The following HOOK2 variants were observed in gnomAD, a reference collection of about 807,000 sequenced individuals.
HOOK2 encodes protein Hook homolog 2.
A neutral mutation model predicts 111.9 loss-of-function variants in HOOK2; 108 were observed. The ratio of observed to expected loss-of-function variants is 0.96; its 90% CI spans 0.83 to 1.13. The LOEUF (loss-of-function observed/expected upper bound fraction) is 1.13. HOOK2 is among the 50% of genes most tolerant of loss of function. The probability of loss-of-function intolerance (pLI) is 0.00; values close to 1 mark genes in which losing one functional copy is unlikely to be tolerated. For synonymous variants in HOOK2, 405 were observed against 394.3 expected (o/e 1.03, Z -0.32); for missense variants, 978 against 951.3 (o/e 1.03, Z -0.37).
chr19:12,772,042 C>G lies in HOOK2; in HGVS notation c.519+148G>C, dbSNP rs1396282423. On this transcript the variant is annotated intron_variant, in intron 7 of 22. Transcript: ENST00000397668. Reference sequence around the variant, plus strand: ...CAGGCTTAAGGACAAGCCCCTCCCCCTTAGGCTACCCTGAGCATCTGTAAG... The same window carrying G: ...CAGGCTTAAGGACAAGCCCCTCCCCGTTAGGCTACCCTGAGCATCTGTAAG... The G allele has an allele frequency of 1.0e-5, 7 of 683,240 alleles. No individual in the cohort carries two copies. In the Admixed American group the frequency reaches 1.5e-4, roughly 15 times the overall value. 42.3% of individuals were successfully genotyped at this position (683,240 alleles called of 1,614,324 possible). A position where few individuals can be genotyped will look rare whatever the true frequency, so the allele number is the denominator to read the frequency against.
At chr19:12,780,985 A>C (rs535790810), upstream of HOOK2, among the ~76,000 whole-genome samples, 1 of 136,856 alleles carries the variant, frequency 7.3e-6, no homozygotes, top group Non-Finnish European at 1.6e-5. Flanking sequence ...CTCAAAAAAT[A>C]ATAATAATAA....
At chr19:12,781,636 C>G (rs1163162382), upstream of HOOK2, among the ~76,000 whole-genome samples, 1 of 152,090 alleles carries the variant, frequency 6.6e-6, no homozygotes, top group Non-Finnish European at 1.5e-5. Context: ...GTCCACTTGA[C>G]GTTTTGAGTG....
chr19:12,774,313 C>T, intron 3 of HOOK2: 2 of 316,202 alleles, frequency 6.3e-6, no homozygotes, highest in Non-Finnish European at 6.1e-6. Context: ...AACTTGTTGG[C>T]CAGGCTGGTC....
In HOOK2 at chr19:12,786,835, C is replaced by G. The variant is rs1230581716; in HGVS notation, n.42-12610G>C. Among the ~76,000 whole-genome samples the G allele has an allele frequency of 6.6e-6, 1 of 152,168 alleles. No individual in the cohort carries two copies. The highest frequency in any genetic ancestry group is 6.5e-5 in the Admixed American group (1 of 15,276). ...GCTGGCCTGTCCACAGAGACCCGTG[C>G]CCCTCTGTCTGTGCCCCACCACATT... On this transcript the variant is annotated intron_variant and non_coding_transcript_variant, in intron 3 of 3. Coordinates refer to the HOOK2 transcript ENST00000589765. This position sits in a 1 kb window ranked among gnomAD's most constrained non-coding sequence, Gnocchi z 4.3.
chr19:12,782,505 C>T (rs535997720), upstream of HOOK2, among the ~76,000 whole-genome samples: 19 of 152,368 alleles, frequency 1.2e-4, no homozygotes, highest in African/African-American at 4.1e-4. Flanking sequence ...CCGTTCCCCT[C>T]CGGGAGGCGC....
At chr19:12,788,168 A>G (rs1968674204) in intron 3 of HOOK2, among the ~76,000 whole-genome samples, 1 of 152,212 alleles carries the variant, frequency 6.6e-6, no homozygotes, top group African/African-American at 2.4e-5. Context: ...TTCACAACAC[A>G]GTGGCTAATG....
Position 12,764,986 on chromosome 19 carries a change from A to G in HOOK2, c.1723+13T>C, listed in dbSNP as rs778607676. The G allele has an allele frequency of 6.2e-7, 1 of 1,613,998 alleles. No homozygotes were observed. Among genetic ancestry groups the G allele is most frequent in the Non-Finnish European group, 8.5e-7 (1 of 1,179,926 alleles). On this transcript the variant is annotated intron_variant, in intron 19 of 22. Transcript: ENST00000397668. Reference sequence around the variant, plus strand: ...GGGATCTCCCCACCCTCTGGTCACTAGGTCCTACTTACTGCTGCTGTCAGT... The same window carrying G: ...GGGATCTCCCCACCCTCTGGTCACTGGGTCCTACTTACTGCTGCTGTCAGT...
rs908809726 is a variant in HOOK2 at position 12,790,037 on chromosome 19, C to T, written n.42-15812G>A. Among the ~76,000 whole-genome samples, 1 of 152,158 alleles carries T rather than the reference C, an allele frequency of 6.6e-6. No homozygotes were observed. The highest frequency in any genetic ancestry group is 2.4e-5 in the African/African-American group (1 of 41,458). ...CCGCCTGTTGCCATGGCGACCAGGC[C>T]CCGCTCCTCGGCTGCGTCCCCCGCC... On this transcript the variant is annotated intron_variant and non_coding_transcript_variant, in intron 3 of 3. Coordinates refer to the HOOK2 transcript ENST00000589765. The surrounding 1 kb of genome is among the most constrained non-coding windows in gnomAD (Gnocchi z 7.2).
Position 12,773,020 on chromosome 19 carries a change from G to GT in HOOK2, c.228dup (p.Arg77ThrfsTer84), listed in dbSNP as rs1568371501. The stretch of plus-strand genomic sequence containing the variant: ...TCCTGGGAGTACTCTACTAGGCTCC[G>GT]TAAGACCATCTTCAGATTGCTGACC... On this transcript the variant is annotated frameshift_variant, in exon 4 of 23. Coordinates refer to ENST00000397668, the MANE Select transcript of HOOK2 (RefSeq NM_013312.3). LOFTEE classifies it high-confidence loss of function. 1 of 1,614,066 alleles carries GT rather than the reference G, an allele frequency of 6.2e-7. No individual in the cohort carries two copies. Among genetic ancestry groups the GT allele is most frequent in the Non-Finnish European group, 8.5e-7 (1 of 1,180,010 alleles).
chr19:12,777,745 C>A (rs1162055625), upstream of HOOK2, among the ~76,000 whole-genome samples: 2 of 152,252 alleles, frequency 1.3e-5, no homozygotes, highest in Non-Finnish European at 2.9e-5. Context: ...CACCAGGGGG[C>A]GCGGAGACCG....
In HOOK2 at chr19:12,766,098, C is replaced by T. The variant is rs1385964661; in HGVS notation, c.1511+5G>A. ...CTCCGCGCAGGTAGGTCCCCAGGCG[C>T]TCACCGGTGCTGCGTCTCCAACCCG... On this transcript the variant is annotated splice_donor_5th_base_variant and intron_variant, in intron 15 of 22. Transcript: ENST00000397668. 1.2e-6 allele frequency: 2 copies of T among 1,601,306 alleles called. No individual in the cohort carries two copies. The highest frequency in any genetic ancestry group is 1.7e-6 in the Non-Finnish European group (2 of 1,177,242).
intron 3 of HOOK2, chr19:12,792,141 G>A (rs541000941): frequency 1.9e-6 from 3 of 1,596,440 alleles, no homozygotes; most frequent in East Asian, 4.5e-5. Context: ...TGCAGGGGGC[G>A]CAGGGGGCGG....
chr19:12,785,588 C>G (rs188394650), intron 3 of HOOK2, among the ~76,000 whole-genome samples: 11 of 152,328 alleles, frequency 7.2e-5, no homozygotes, highest in Admixed American at 7.2e-4. Context: ...CACACACACA[C>G]AGAGTGGAAC....
Position 12,771,596 on chromosome 19 carries a change from G to A in HOOK2, c.520-119C>T, listed in dbSNP as rs1339906652. ...AGAAACCCTCAGGATTGAAAAGAGG[G>A]CTGGCGCCGGGTGCAGTGGCTCGCG... On this transcript the variant is annotated intron_variant, in intron 7 of 22. Coordinates refer to ENST00000397668, the MANE Select transcript of HOOK2 (RefSeq NM_013312.3). 4.6e-6 allele frequency: 4 copies of A among 871,828 alleles called. No individual in the cohort carries two copies. In the South Asian group the frequency reaches 4.6e-5, roughly 10 times the overall value. 54.0% of individuals were successfully genotyped at this position (871,828 alleles called of 1,614,324 possible).
chr19:12,768,679 G>C (rs1968226876), intron 11 of HOOK2, among the ~76,000 whole-genome samples: 1 of 152,036 alleles, frequency 6.6e-6, no homozygotes, highest in Non-Finnish European at 1.5e-5. Flanking sequence ...TCGCTATCTT[G>C]ACCAGGGTGT....
At chr19:12,768,395 G>A (rs531948199) in intron 11 of HOOK2, among the ~76,000 whole-genome samples, 11 of 152,072 alleles carry the variant, frequency 7.2e-5, no homozygotes, top group African/African-American at 1.4e-4. Context: ...GCACCCAGCC[G>A]ACTGTGAATG....
chr19:12,782,536 G>GCGTGCGT (rs1242173988), upstream of HOOK2, among the ~76,000 whole-genome samples: 7 of 152,230 alleles, frequency 4.6e-5, no homozygotes, highest in African/African-American at 1.7e-4. Context: ...TTGCGGGGGC[G>GCGTGCGT]CGTGCGTCGT....
In HOOK2 at chr19:12,770,060, G is replaced by C; in HGVS notation, c.925C>G (p.Gln309Glu). ...ELRQSSERAGQLEATLTSCRR... is the reference protein window; with the variant it reads ...ELRQSSERAGELEATLTSCRR... ...CAACTGGTCAGCGTGGCCTCCAGCT[G>C]CCCAGCACGCTCCGAAGACTGCCTA... Residue 309 changes from glutamine (Q) to glutamate (E), a missense_variant, in exon 11 of 23, where the codon CAG becomes GAG. Gln to Glu is a conservative substitution (Grantham distance 29). Transcript: ENST00000397668. 1.3e-6 allele frequency: 2 copies of C among 1,530,994 alleles called. No homozygotes were observed. Among genetic ancestry groups the C allele is most frequent in the South Asian group, 2.4e-5 (2 of 82,632 alleles). 94.8% of individuals were successfully genotyped at this position (1,530,994 alleles called of 1,614,324 possible). A position where few individuals can be genotyped will look rare whatever the true frequency, so the allele number is the denominator to read the frequency against.
At chr19:12,769,855 C>T (rs902644270) in intron 11 of HOOK2, 26 bp downstream of exon 11, 4 of 1,390,802 alleles carry the variant, frequency 2.9e-6, no homozygotes, top group Non-Finnish European at 3.7e-6. Flanking sequence ...GGCGGGGCCC[C>T]GGCCCTAACC....
Sources: allele counts gnomAD v4.1 joint callset (sites outside exome capture counted in the v4.1 genomes callset), GRCh38; gene constraint gnomAD v4.1.1; non-coding constraint Gnocchi (gnomAD v3.1); transcripts MANE v1.5; gene names NCBI Gene and HGNC (gene_info 2026-07-23, HGNC 2026-07-21).